The following RYR1 variants were observed in gnomAD, a reference collection of about 807,000 sequenced individuals.
RYR1 encodes central core disease of muscle.
Under a neutral mutation model 583.5 loss-of-function variants are expected in RYR1, and 342 were observed. The ratio of observed to expected loss-of-function variants is 0.59; its 90% CI spans 0.54 to 0.64. The LOEUF (loss-of-function observed/expected upper bound fraction) is 0.64, where lower values mean the gene tolerates loss of function less well. Among genes scored for constraint, RYR1 ranks in the 30% least tolerant of loss-of-function variants. RYR1 has a pLI of 0.00. For missense variants in RYR1, 6,032 were observed against 6,917.2 expected (o/e 0.87, Z 4.54); for synonymous variants, 2,791 against 2,822.5 (o/e 0.99, Z 0.35).
At chr19:38,439,926 C>T (rs1057415796) in intron 1 of RYR1, among the ~76,000 whole-genome samples, 12 of 152,130 alleles carry the variant, frequency 7.9e-5, no homozygotes, top group African/African-American at 1.7e-4. Context: ...TAAAACAACA[C>T]GCAAAAGAGA....
intron 26 of RYR1, 41 bp downstream of exon 26, chr19:38,469,181 C>G: frequency 6.2e-7 from 1 of 1,612,830 alleles, no homozygotes. Flanking sequence ...TCTTGTTTTC[C>G]TCTGTCTCTC....
chr19:38,529,318 A>G (rs1391447461), intron 76 of RYR1, among the ~76,000 whole-genome samples: 1 of 152,198 alleles, frequency 6.6e-6, no homozygotes, highest in Non-Finnish European at 1.5e-5. Context: ...CCGTTTCTAC[A>G]AAAATACAAT....
rs117975681 is a variant in RYR1, at chr19:38,567,082, C to T, written c.13514+95C>T. 3.7e-4 allele frequency: 562 copies of T among 1,536,798 alleles called. 2 individuals are homozygous for T. The East Asian group carries it at 5.1e-3, about 14-fold the overall frequency. On this transcript the variant is annotated intron_variant, in intron 92 of 105. Transcript: ENST00000359596. ...GGTCAGGCCCCAAGGCTGTCCTGGCCACCCTGTGTCCTCGGCATCACCCAG... is the reference window on the plus strand; with the variant it reads ...GGTCAGGCCCCAAGGCTGTCCTGGCTACCCTGTGTCCTCGGCATCACCCAG...
intron 34 of RYR1, among the ~76,000 whole-genome samples, chr19:38,486,492 T>C (rs1387675143): frequency 6.6e-6 from 1 of 152,150 alleles, no homozygotes; most frequent in Non-Finnish European, 1.5e-5. Flanking sequence ...TACAGGCATG[T>C]GCCACCACGC....
chr19:38,491,400 A>G (rs1969544141), intron 37 of RYR1, among the ~76,000 whole-genome samples: 1 of 150,052 alleles, frequency 6.7e-6, no homozygotes, highest in South Asian at 2.1e-4. Context: ...ACTTGATGGC[A>G]TCCCACAGGT....
At chr19:38,522,620 A>AAGAGAG (rs34878100) in intron 67 of RYR1, among the ~76,000 whole-genome samples, 248 of 148,954 alleles carry the variant, frequency 1.7e-3, no homozygotes, top group Non-Finnish European at 2.9e-3. Context: ...GAAAGAAAGA[A>AAGAGAG]AGAGAGAGAG....
chr19:38,524,262 T>G (rs557360761), intron 70 of RYR1, among the ~76,000 whole-genome samples: 224 of 141,400 alleles, frequency 1.6e-3, no homozygotes, highest in Non-Finnish European at 2.5e-3. Context: ...TCAAGGGTAA[T>G]GGGGGTGGGA....
At chr19:38,583,689 C>G (rs964344299) in intron 101 of RYR1, among the ~76,000 whole-genome samples, 5 of 152,052 alleles carry the variant, frequency 3.3e-5, no homozygotes, top group Non-Finnish European at 5.9e-5. Flanking sequence ...CCGCCTGGTC[C>G]TCTTTCAGTT....
intron 90 of RYR1, 123 bp from the exon 91 acceptor site, chr19:38,564,836 A>G: frequency 6.7e-7 from 1 of 1,492,224 alleles, no homozygotes; most frequent in East Asian, 2.5e-5. Flanking sequence ...CAAAAACAAA[A>G]TACCAACAAT....
Position 38,505,958 on chromosome 19 carries a change from G to A in RYR1, c.8541+12G>A. On this transcript the variant is annotated intron_variant, in intron 54 of 105. Transcript: ENST00000359596. ...CACAAAGTGCCCAGGTGAAGGCGGG[G>A]CCTGGGTGGAGGGCAGGGGCACGAT... 1 of 1,611,940 alleles carries A rather than the reference G, an allele frequency of 6.2e-7. No individual in the cohort carries two copies.
chr19:38,534,666 A>G, intron 78 of RYR1, 54 bp from the exon 79 acceptor site: 2 of 1,494,068 alleles, frequency 1.3e-6, no homozygotes, highest in South Asian at 1.2e-5. Context: ...GTGAGGGGGA[A>G]AGGCTGGGCT....
At chr19:38,544,679 A>G (rs993786716) in intron 87 of RYR1, among the ~76,000 whole-genome samples, 5 of 152,156 alleles carry the variant, frequency 3.3e-5, no homozygotes, top group Non-Finnish European at 2.9e-5. Context: ...ATTCGTTGTC[A>G]TCTGACTTTT....
intron 33 of RYR1, among the ~76,000 whole-genome samples, chr19:38,484,518 C>G (rs994203400): frequency 4.1e-5 from 6 of 145,570 alleles, no homozygotes; most frequent in African/African-American, 8.2e-5. Flanking sequence ...TGGGTCCCTC[C>G]TATGTGCTAG....
intron 90 of RYR1, among the ~76,000 whole-genome samples, chr19:38,562,177 T>G (rs1333917916): frequency 6.6e-6 from 1 of 152,050 alleles, no homozygotes; most frequent in Admixed American, 6.5e-5. Flanking sequence ...CATGCACACT[T>G]GGGCCACGGT....
intron 83 of RYR1, 55 bp downstream of exon 83, chr19:38,536,822 C>A (rs200904209): frequency 1.5e-4 from 231 of 1,569,522 alleles, no homozygotes; most frequent in Non-Finnish European, 2.0e-4. Flanking sequence ...CCCTCCTAAC[C>A]CCGTCCACCC....
At chr19:38,475,518 T>C in intron 29 of RYR1, 68 bp downstream of exon 29, 1 of 1,599,296 alleles carries the variant, frequency 6.3e-7, no homozygotes, top group Non-Finnish European at 8.5e-7. Flanking sequence ...ATTTCCAAGT[T>C]TAGTGTGACA....
At chr19:38,558,208 G>A (rs909300640) in intron 89 of RYR1, among the ~76,000 whole-genome samples, 1 of 152,090 alleles carries the variant, frequency 6.6e-6, no homozygotes, top group Non-Finnish European at 1.5e-5. Context: ...CAACTTGGAA[G>A]GCTAAGACGG....
chr19:38,491,456 G>A (rs1413076313), intron 37 of RYR1, among the ~76,000 whole-genome samples: 1 of 147,844 alleles, frequency 6.8e-6, no homozygotes, highest in Admixed American at 6.7e-5. Flanking sequence ...TTTTGAGACG[G>A]TCTCACTCTG....
Position 38,510,742 on chromosome 19 carries a change from G to GA in RYR1, c.9083_9084insA (p.Gly3029TrpfsTer5). 6.2e-7 allele frequency: 1 copy of GA among 1,614,202 alleles called. No homozygotes were observed. Among genetic ancestry groups the GA allele is most frequent in the Non-Finnish European group, 8.5e-7 (1 of 1,180,036 alleles). ...ACTCCGGCTAAAGTGCTGGGCAGCGGTGGCCACGCCTCTAACAAGGAGAAG... is the reference window on the plus strand; with the variant it reads ...ACTCCGGCTAAAGTGCTGGGCAGCGGATGGCCACGCCTCTAACAAGGAGAAG... On this transcript the variant is annotated frameshift_variant, in exon 60 of 106. Coordinates refer to ENST00000359596, the MANE Select transcript of RYR1 (RefSeq NM_000540.3). LOFTEE classifies it high-confidence loss of function.
Sources: gnomAD v4.1 joint callset for allele counts (sites outside exome capture counted in the v4.1 genomes callset) on GRCh38, gnomAD v4.1.1 for gene constraint, MANE v1.5 for transcripts, NCBI Gene and HGNC (gene_info 2026-07-23, HGNC 2026-07-21) for gene names.